The following LYST variants were observed in gnomAD, a reference collection of about 807,000 sequenced individuals.
The protein encoded by LYST is lysosomal trafficking regulator.
A neutral mutation model predicts 413.6 loss-of-function variants in LYST; 192 were observed. The ratio of observed to expected loss-of-function variants is 0.46; its 90% CI spans 0.41 to 0.52. The LOEUF (loss-of-function observed/expected upper bound fraction) is 0.52, where lower values mean the gene tolerates loss of function less well. Among genes scored for constraint, LYST ranks in the 20% least tolerant of loss-of-function variants. The pLI is 0.00. For synonymous variants in LYST, 1,525 were observed against 1,567.3 expected (o/e 0.97, Z 0.64); for missense variants, 3,815 against 4,499.9 (o/e 0.85, Z 4.35).
intron 45 of LYST, among the ~76,000 whole-genome samples, chr1:235,698,649 A>C (rs1572023236): frequency 1.3e-5 from 2 of 152,134 alleles, no homozygotes; most frequent in African/African-American, 2.4e-5. Context: ...AGGCGGGCGG[A>C]TCATGAAGTC....
In LYST at chr1:235,661,539, T is replaced by C. The variant is rs1307197763; in HGVS notation, c.*1401A>G. On this transcript the variant is annotated 3_prime_UTR_variant, in exon 53 of 53. Transcript: ENST00000389793. ...GTGTATGCAGTTTAAGGTTAAAGCA[T>C]ACATGGCCACGTGCTTTCTCTCGAA... 6.6e-6 allele frequency: 1 copy of C among 152,408 alleles called. No homozygotes were observed. The highest frequency in any genetic ancestry group is 1.5e-5 in the Non-Finnish European group (1 of 68,048). 9.4% of individuals were successfully genotyped at this position (152,408 alleles called of 1,614,324 possible).
intron 1 of LYST, among the ~76,000 whole-genome samples, chr1:235,840,446 T>C (rs1284353524): frequency 6.6e-6 from 1 of 152,158 alleles, no homozygotes; most frequent in Non-Finnish European, 1.5e-5. Flanking sequence ...GGTGAAAGGC[T>C]TTTGTACACT....
chr1:235,750,663 G>A (rs1666398416), intron 28 of LYST, among the ~76,000 whole-genome samples: 1 of 152,034 alleles, frequency 6.6e-6, no homozygotes, highest in African/African-American at 2.4e-5. Context: ...GAAAAAATAA[G>A]GAAGACTAAC....
intron 14 of LYST, among the ~76,000 whole-genome samples, chr1:235,783,706 T>C (rs1020333346): frequency 6.6e-6 from 1 of 152,172 alleles, no homozygotes; most frequent in African/African-American, 2.4e-5. Context: ...AGAAAACCTA[T>C]TGCAGGATGA....
At chr1:235,689,079 A>T (rs1201425598) in intron 47 of LYST, among the ~76,000 whole-genome samples, 6 of 151,212 alleles carry the variant, frequency 4.0e-5, no homozygotes, top group Non-Finnish European at 8.8e-5. Context: ...TCTCAAATCA[A>T]AGAATTAATG....
intron 1 of LYST, among the ~76,000 whole-genome samples, chr1:235,878,413 C>T (rs533776340): frequency 3.2e-4 from 48 of 152,262 alleles, no homozygotes; most frequent in African/African-American, 1.1e-3. Context: ...CCTTCTATCC[C>T]ACTCTCCCTG....
At chr1:235,824,841 G>A (rs186934918) in intron 3 of LYST, among the ~76,000 whole-genome samples, 2 of 152,198 alleles carry the variant, frequency 1.3e-5, no homozygotes, top group African/African-American at 4.8e-5. Flanking sequence ...CCAAGATGGT[G>A]AAACCCCGTC....
At chr1:235,774,841 T>C in intron 18 of LYST, 72 bp downstream of exon 18, 2 of 1,001,770 alleles carry the variant, frequency 2.0e-6, no homozygotes, top group Admixed American at 2.0e-5. Flanking sequence ...AAAACTATTA[T>C]TGGAAGACTT....
rs1353234323 is a variant in LYST, at chr1:235,809,847, T to C, written c.971A>G (p.Gln324Arg). The change falls in exon 5 of 53, where the codon CAA becomes CGA. Residue 324 changes from glutamine (Q) to arginine (R), a missense_variant. By Grantham distance (43) the Gln-to-Arg change is conservative. Around this residue, in one of 4 missense-constraint regions of LYST, gnomAD observed 1,648 missense variants for 1,810.3 expected, o/e 0.91. Transcript: ENST00000389793. This position sits in a 1 kb window ranked among gnomAD's most constrained non-coding sequence, Gnocchi z 4.0. ...CAACACTGTTCGAAAGAGCATCCTT[T>C]GAATCAAAGCCACCGGTTCTTCGGT... is the stretch of plus-strand genomic sequence containing the variant. ...GWTEEPVALI[Q>R]RMLFRTVLHL... 1 of 1,614,004 alleles carries C rather than the reference T, an allele frequency of 6.2e-7. No individual in the cohort carries two copies. The highest frequency in any genetic ancestry group is 8.5e-7 in the Non-Finnish European group (1 of 1,179,964).
intron 23 of LYST, 73 bp from the exon 24 acceptor site, chr1:235,757,531 C>T: frequency 1.9e-6 from 2 of 1,067,398 alleles, no homozygotes; most frequent in Non-Finnish European, 2.9e-6. Flanking sequence ...GGAACTGTGA[C>T]AAGTAGTAGC....
At chr1:235,721,731 C>T (rs781189917) in intron 39 of LYST, among the ~76,000 whole-genome samples, 5 of 152,048 alleles carry the variant, frequency 3.3e-5, no homozygotes, top group Admixed American at 2.6e-4. Flanking sequence ...CAATTGTTAG[C>T]GCTAAGGTCC....
At chr1:235,799,202 A>T (rs2102812286) in intron 10 of LYST, among the ~76,000 whole-genome samples, 2 of 152,334 alleles carry the variant, frequency 1.3e-5, no homozygotes, top group African/African-American at 4.8e-5. Context: ...GGAATGATGG[A>T]AACAGAAAAT....
Position 235,810,215 on chromosome 1 carries a change from G to A in LYST, c.603C>T (p.Pro201=), listed in dbSNP as rs146354628. The change falls in exon 5 of 53, where the codon CCC becomes CCT. Residue 201 remains proline (P), a synonymous_variant. Transcript: ENST00000389793. ...FLTSFPKQDH[P]KAKLDRLATK... ...TTGCTAAGCGGTCAAGTTTAGCTTT[G>A]GGGTGGTCTTGTTTAGGAAACGATG... 65 of 1,614,040 alleles carry A rather than the reference G, an allele frequency of 4.0e-5. No homozygotes were observed. The African/African-American group carries it at 6.9e-4, about 17-fold the overall frequency.
rs529450480 is a variant in LYST at position 235,664,119 on chromosome 1, T to G, written c.11196-64A>C. On this transcript the variant is annotated intron_variant, in intron 51 of 52. Transcript: ENST00000389793. This position sits in a 1 kb window ranked among gnomAD's most constrained non-coding sequence, Gnocchi z 4.5. The stretch of plus-strand genomic sequence containing the variant: ...ATTACTCTCCCTAAAAAGCCCTCTA[T>G]ATTTGTTTATTTGTTAAAAATCATG... 22 of 1,165,552 alleles carry G rather than the reference T, an allele frequency of 1.9e-5. No individual in the cohort carries two copies. The African/African-American group carries it at 2.6e-4, about 14-fold the overall frequency. The allele number at this position is 1,165,552 out of a possible 1,614,324, so 72.2% of individuals were successfully genotyped here.
At chr1:235,754,391 C>G (rs1006695736) in intron 25 of LYST, among the ~76,000 whole-genome samples, 13 of 151,950 alleles carry the variant, frequency 8.6e-5, no homozygotes, top group Admixed American at 1.3e-4. Context: ...TGCCACCACG[C>G]CCAGCAAATT....
chr1:235,666,225 T>C (rs7515977), intron 50 of LYST, among the ~76,000 whole-genome samples: 54 of 136,006 alleles, frequency 4.0e-4, no homozygotes, highest in African/African-American at 1.2e-3. Flanking sequence ...AGTATGTACA[T>C]ACACACACAC....
At chr1:235,807,029 T>C (rs759111310) in intron 5 of LYST, among the ~76,000 whole-genome samples, 6 of 152,162 alleles carry the variant, frequency 3.9e-5, no homozygotes, top group Non-Finnish European at 5.9e-5. Flanking sequence ...AGATTGCCTG[T>C]CCCACATTAA....
At chr1:235,879,937 A>G (rs560015967) in intron 1 of LYST, among the ~76,000 whole-genome samples, 1 of 152,298 alleles carries the variant, frequency 6.6e-6, no homozygotes, top group Admixed American at 6.5e-5. Context: ...GGGTTTCACC[A>G]TGTTAGCCAG....
Position 235,810,367 on chromosome 1 carries a change from G to T in LYST, c.451C>A (p.His151Asn). The T allele has an allele frequency of 6.2e-7, 1 of 1,613,838 alleles. No individual in the cohort carries two copies. The highest frequency in any genetic ancestry group is 8.5e-7 in the Non-Finnish European group (1 of 1,179,898). ...RKSRRQRKIT[H>N]RYSVRDARKT... ...CTTGCATCTCTTACAGAATAGCGATGGGTAATTTTACGCTGTCGTCTGCTT... is the reference window on the plus strand; with the variant it reads ...CTTGCATCTCTTACAGAATAGCGATTGGTAATTTTACGCTGTCGTCTGCTT... Residue 151 changes from histidine (H) to asparagine (N), a missense_variant, in exon 5 of 53, where the codon CAT becomes AAT. Physicochemically the swap from His to Asn is moderately conservative, Grantham distance 68. This residue lies in a region of LYST where 1,648 missense variants were observed against 1,810.3 expected (regional missense o/e 0.91). Transcript: ENST00000389793.
Sources: allele counts gnomAD v4.1 joint callset (sites outside exome capture counted in the v4.1 genomes callset), GRCh38; gene constraint gnomAD v4.1.1; regional missense constraint gnomAD v4.1.1; non-coding constraint Gnocchi (gnomAD v3.1); transcripts MANE v1.5; gene names NCBI Gene and HGNC (gene_info 2026-07-23, HGNC 2026-07-21).